FYTTD1: variants seen among roughly 807,000 people sequenced by gnomAD.
FYTTD1 encodes UAP56-interacting factor.
FYTTD1 carries 22 observed loss-of-function variants against 40.9 expected under a neutral mutation model. That is an observed-to-expected ratio of 0.54 (90% CI 0.38 to 0.77). FYTTD1 has a LOEUF of 0.77. Ranked by LOEUF, FYTTD1 falls within the 30% of genes least tolerant of loss-of-function variation. FYTTD1 has a pLI of 0.00. For synonymous variants in FYTTD1, 140 were observed against 137.9 expected (o/e 1.01, Z -0.10); for missense variants, 351 against 392.2 (o/e 0.90, Z 0.89).
At chr3:197,773,278 C>T (rs1254547901) in intron 4 of FYTTD1, 125 bp from the exon 5 acceptor site, 2 of 611,194 alleles carry the variant, frequency 3.3e-6, no homozygotes, top group Non-Finnish European at 5.8e-6. Flanking sequence ...GCAAATAATT[C>T]AGAGTTGTTT....
chr3:197,760,025 T>C (rs73894343), intron 2 of FYTTD1, among the ~76,000 whole-genome samples: 9,630 of 150,054 alleles, frequency 0.064, 642 homozygotes, highest in African/African-American at 0.17. Context: ...AGTGGTAGAA[T>C]GTATGGAGTT....
chr3:197,760,019 G>T (rs1316521412), intron 2 of FYTTD1, among the ~76,000 whole-genome samples: 1 of 151,956 alleles, frequency 6.6e-6, no homozygotes, highest in Non-Finnish European at 1.5e-5. Context: ...TTCTTCAGTG[G>T]TAGAATGTAT....
At chr3:197,777,600 A>G (rs552458949) in intron 7 of FYTTD1, among the ~76,000 whole-genome samples, 2 of 152,160 alleles carry the variant, frequency 1.3e-5, no homozygotes, top group Non-Finnish European at 1.5e-5. Flanking sequence ...TACTTCTCCT[A>G]ATCCCTGTAA....
At position 197,756,483 on chromosome 3, in the gene FYTTD1, A is replaced by G. The variant is rs779511324; in HGVS notation, c.161A>G (p.Asn54Ser). The G allele has an allele frequency of 5.6e-6, 9 of 1,611,798 alleles. No individual in the cohort carries two copies. The South Asian group carries it at 8.8e-5, about 16-fold the overall frequency. The change falls in exon 2 of 9, where the codon AAT becomes AGT. Residue 54 changes from asparagine (N) to serine (S), a missense_variant. Physicochemically the swap from Asn to Ser is conservative, Grantham distance 46. Transcript: ENST00000241502. ...EGKKQNFPRL[N>S]RRLLQQSGAQ... is the part of the protein sequence containing the mutation. The stretch of plus-strand genomic sequence containing the variant: ...AAGAAGCAGAATTTTCCAAGACTAA[A>G]TAGAAGACTCCTCCAGCAAAGTGGT...
At chr3:197,754,083 C>T (rs999305435) in intron 1 of FYTTD1, among the ~76,000 whole-genome samples, 4 of 152,070 alleles carry the variant, frequency 2.6e-5, no homozygotes, top group Non-Finnish European at 5.9e-5. Context: ...CAGAATTGTA[C>T]TTTGCCTCTT....
intron 2 of FYTTD1, among the ~76,000 whole-genome samples, chr3:197,758,330 C>G (rs1244610395): frequency 6.6e-6 from 1 of 152,110 alleles, no homozygotes; most frequent in Non-Finnish European, 1.5e-5. Flanking sequence ...TAATGTTTAT[C>G]AAATATTTAA....
intron 1 of FYTTD1, chr3:197,750,772 A>G (rs1409036838): frequency 5.1e-6 from 5 of 985,390 alleles, no homozygotes; most frequent in Non-Finnish European, 6.0e-6. Flanking sequence ...TGGGGGAGAA[A>G]GCAAACATCT....
intron 3 of FYTTD1, 102 bp from the exon 4 acceptor site, chr3:197,770,030 A>G: frequency 2.9e-6 from 2 of 691,722 alleles, no homozygotes; most frequent in South Asian, 3.7e-5. Context: ...TGCACATTCA[A>G]GCAGTTGTCA....
chr3:197,769,321 C>G (rs2109047536), intron 3 of FYTTD1, among the ~76,000 whole-genome samples: 1 of 152,218 alleles, frequency 6.6e-6, no homozygotes, highest in Non-Finnish European at 1.5e-5. Context: ...CTCCTGACCT[C>G]ATGATCCATC....
At chr3:197,761,015 AGTGGTAGAATGT>A (rs1246618276) in intron 2 of FYTTD1, among the ~76,000 whole-genome samples, 105 of 147,368 alleles carry the variant, frequency 7.1e-4, no homozygotes, top group African/African-American at 2.3e-3. Context: ...GTTGTTCCTC[AGTGGTAGAATGT>A]ATAGACTTGT....
At chr3:197,756,341 A>G (rs186742653) in intron 1 of FYTTD1, 85 bp from the exon 2 acceptor site, 2 of 912,298 alleles carry the variant, frequency 2.2e-6, no homozygotes, top group Admixed American at 4.4e-5. Flanking sequence ...GAAGTTAGGA[A>G]CGTAGGACAT....
chr3:197,757,266 A>G (rs1729239411), intron 2 of FYTTD1, among the ~76,000 whole-genome samples: 1 of 152,224 alleles, frequency 6.6e-6, no homozygotes, highest in Non-Finnish European at 1.5e-5. Context: ...ATTGAACACT[A>G]ATATATATGG....
intron 3 of FYTTD1, among the ~76,000 whole-genome samples, chr3:197,769,365 C>T (rs554746405): frequency 3.9e-5 from 6 of 152,222 alleles, no homozygotes; most frequent in East Asian, 1.9e-4. Context: ...GGATTAAAGG[C>T]GTAAGCCACG....
intron 2 of FYTTD1, among the ~76,000 whole-genome samples, chr3:197,764,864 G>C (rs1305889812): frequency 6.6e-6 from 1 of 150,620 alleles, no homozygotes; most frequent in Non-Finnish European, 1.5e-5. Context: ...TTTTTTTGGG[G>C]GGGGAGGATG....
At position 197,783,313 on chromosome 3, in the gene FYTTD1, C is replaced by G. The variant is rs1380979813; in HGVS notation, c.*1404C>G. 1 of 152,544 alleles carries G rather than the reference C, an allele frequency of 6.6e-6. No homozygotes were observed. The highest frequency in any genetic ancestry group is 6.5e-5 in the Admixed American group (1 of 15,276). The allele number at this position is 152,544 out of a possible 1,614,324, so 9.4% of individuals were successfully genotyped here. A position where few individuals can be genotyped will look rare whatever the true frequency, so the allele number is the denominator to read the frequency against. ...AACATCTAAATAGGTGTTAGTTTCT[C>G]AGGAGTAGATTGTTAGTGTTGACTT... On this transcript the variant is annotated 3_prime_UTR_variant, in exon 9 of 9. Coordinates refer to ENST00000241502, the MANE Select transcript of FYTTD1 (RefSeq NM_032288.7).
chr3:197,773,920 A>T (rs7615204), intron 5 of FYTTD1, among the ~76,000 whole-genome samples: 120,123 of 139,878 alleles, frequency 0.86, 50,754 homozygotes, highest in East Asian at 0.99. Flanking sequence ...GCCCCTCCGC[A>T]GCACTCACGC....
Position 197,765,828 on chromosome 3 carries a change from C to G in FYTTD1, c.236-2611C>G, listed in dbSNP as rs180861784. On this transcript the variant is annotated intron_variant, in intron 2 of 8. Coordinates refer to ENST00000241502, the MANE Select transcript of FYTTD1 (RefSeq NM_032288.7). ...TGGCTAACACAGCGAAACCCTGTCT[C>G]TACTAAAAATATAAAAAATTAGCCG... Among the ~76,000 whole-genome samples, 228 of 152,102 alleles carry G rather than the reference C, an allele frequency of 1.5e-3. 1 individual carries two copies. Among genetic ancestry groups the G allele is most frequent in the Non-Finnish European group, 2.7e-3 (186 of 68,004 alleles).
intron 6 of FYTTD1, among the ~76,000 whole-genome samples, chr3:197,775,019 A>G (rs1478296210): frequency 1.3e-5 from 2 of 152,228 alleles, no homozygotes; most frequent in South Asian, 4.1e-4. Flanking sequence ...TGCCACGTAG[A>G]TTACTTCATT....
chr3:197,763,765 A>G (rs1258379866), intron 2 of FYTTD1: 1 of 156,522 alleles, frequency 6.4e-6, no homozygotes, highest in Non-Finnish European at 1.4e-5. Flanking sequence ...GACATTTCCC[A>G]GAAAATCCCT....
Sources: gnomAD v4.1 joint callset for allele counts (sites outside exome capture counted in the v4.1 genomes callset) on GRCh38, gnomAD v4.1.1 for gene constraint, MANE v1.5 for transcripts, NCBI Gene and HGNC (gene_info 2026-07-23, HGNC 2026-07-21) for gene names.